DSCAML1: variants seen among roughly 807,000 people sequenced by gnomAD.
The protein encoded by DSCAML1 is cell adhesion molecule DSCAML1.
In DSCAML1, 38 loss-of-function variants were observed where a neutral mutation model predicts 200.5. That is an observed-to-expected ratio of 0.19 (90% confidence interval 0.15 to 0.25). The LOEUF (loss-of-function observed/expected upper bound fraction) is 0.25, where lower values mean the gene tolerates loss of function less well. Ranked by LOEUF, DSCAML1 falls within the 10% of genes least tolerant of loss-of-function variation. The pLI is 1.00. For missense variants in DSCAML1, 2,223 were observed against 2,858.8 expected (o/e 0.78, Z 5.07); for synonymous variants, 1,215 against 1,165.0 (o/e 1.04, Z -0.87).
chr11:117,621,331 G>A (rs1364101936), intron 3 of DSCAML1, among the ~76,000 whole-genome samples: 1 of 152,200 alleles, frequency 6.6e-6, no homozygotes, highest in Non-Finnish European at 1.5e-5. Flanking sequence ...TATGACAGGT[G>A]GATGCTTAAT....
intron 11 of DSCAML1, among the ~76,000 whole-genome samples, chr11:117,493,801 T>C (rs1486532048): frequency 6.6e-6 from 1 of 152,142 alleles, no homozygotes; most frequent in African/African-American, 2.4e-5. Flanking sequence ...TTAATTTTTG[T>C]ATTTTTTGTA....
chr11:117,732,471 G>T (rs1328986008), intron 3 of DSCAML1, among the ~76,000 whole-genome samples: 1 of 152,154 alleles, frequency 6.6e-6, no homozygotes, highest in Non-Finnish European at 1.5e-5. Context: ...TGGGGGCCTG[G>T]CTGCCTCTAT....
intron 11 of DSCAML1, among the ~76,000 whole-genome samples, chr11:117,501,928 C>T (rs1421458105): frequency 6.6e-6 from 1 of 152,140 alleles, no homozygotes; most frequent in Non-Finnish European, 1.5e-5. Flanking sequence ...CCAGCAGTGA[C>T]TGGCATAGTG....
At chr11:117,568,869 C>T (rs1372813801) in intron 3 of DSCAML1, among the ~76,000 whole-genome samples, 1 of 152,216 alleles carries the variant, frequency 6.6e-6, no homozygotes, top group African/African-American at 2.4e-5. Context: ...GAAAAAACTA[C>T]TTTAAAGTTC....
chr11:117,667,249 T>C (rs1371438522), intron 3 of DSCAML1, among the ~76,000 whole-genome samples: 2 of 152,078 alleles, frequency 1.3e-5, no homozygotes, highest in Non-Finnish European at 2.9e-5. Flanking sequence ...CTGTCTCTAC[T>C]AAAAATACAA....
At chr11:117,749,059 T>C (rs965391990) in intron 3 of DSCAML1, among the ~76,000 whole-genome samples, 2 of 152,206 alleles carry the variant, frequency 1.3e-5, no homozygotes, top group African/African-American at 4.8e-5. Flanking sequence ...TTCTGAGGTC[T>C]TCCTTGACTT....
chr11:117,695,315 C>CTTTTTTTTTTTTTTTTT (rs753748981), intron 3 of DSCAML1, among the ~76,000 whole-genome samples: 33 of 116,720 alleles, frequency 2.8e-4, no homozygotes, highest in Non-Finnish European at 3.2e-4. Context: ...CTTTCTTTTT[C>CTTTTTTTTTTTTTTTTT]TTTTTTTTTT....
intron 3 of DSCAML1, among the ~76,000 whole-genome samples, chr11:117,667,262 A>T (rs1425667381): frequency 9.2e-5 from 14 of 152,092 alleles, no homozygotes; most frequent in Admixed American, 9.2e-4. Flanking sequence ...AAATACAAAA[A>T]TCAGCTGGGC....
At chr11:117,671,998 G>T (rs984858926) in intron 3 of DSCAML1, among the ~76,000 whole-genome samples, 1 of 151,792 alleles carries the variant, frequency 6.6e-6, no homozygotes, top group Non-Finnish European at 1.5e-5. Context: ...CTACTCGGGA[G>T]GGTGAGGCAG....
At chr11:117,652,541 C>T (rs1368124486) in intron 3 of DSCAML1, among the ~76,000 whole-genome samples, 1 of 152,214 alleles carries the variant, frequency 6.6e-6, no homozygotes, top group Non-Finnish European at 1.5e-5. Flanking sequence ...GTGACATACT[C>T]ACACCTGAGG....
In DSCAML1 at chr11:117,516,324, C is replaced by G; in HGVS notation, c.1783+143G>C. On this transcript the variant is annotated intron_variant, in intron 8 of 32. Transcript: ENST00000651296. The surrounding 1 kb of genome is among the most constrained non-coding windows in gnomAD (Gnocchi z 5.7). Reference sequence around the variant, plus strand: ...AGTCTTCTGCCCTGCTCCCTTTTTTCTGAATGCCAAGCTGGGGCCTCTCTT... The same window carrying G: ...AGTCTTCTGCCCTGCTCCCTTTTTTGTGAATGCCAAGCTGGGGCCTCTCTT... 2 of 1,090,946 alleles carry G rather than the reference C, an allele frequency of 1.8e-6. No individual in the cohort carries two copies. The highest frequency in any genetic ancestry group is 2.6e-6 in the Non-Finnish European group (2 of 779,560). The allele number at this position is 1,090,946 out of a possible 1,614,324, so 67.6% of individuals were successfully genotyped here.
upstream of DSCAML1, among the ~76,000 whole-genome samples, chr11:117,800,619 C>T (rs2055648512): frequency 6.6e-6 from 1 of 152,182 alleles, no homozygotes; most frequent in African/African-American, 2.4e-5. Context: ...ACACACTACC[C>T]ATTTAAAAGC....
intron 3 of DSCAML1, among the ~76,000 whole-genome samples, chr11:117,548,812 G>A: frequency 6.6e-6 from 1 of 152,198 alleles, no homozygotes; most frequent in East Asian, 1.9e-4. Flanking sequence ...CCGCAGTCTT[G>A]AAATCTACAA....
chr11:117,790,095 G>A (rs565440203), intron 1 of DSCAML1, among the ~76,000 whole-genome samples: 1 of 152,212 alleles, frequency 6.6e-6, no homozygotes, highest in Non-Finnish European at 1.5e-5. Flanking sequence ...CTGCGGGAGG[G>A]TCACCCTAGT....
At chr11:117,713,982 C>T (rs922307697) in intron 3 of DSCAML1, among the ~76,000 whole-genome samples, 12 of 152,312 alleles carry the variant, frequency 7.9e-5, no homozygotes, top group African/African-American at 2.6e-4. Context: ...GCAGAAACCC[C>T]GGGGCCTGAC....
At chr11:117,714,964 T>C (rs569212557) in intron 3 of DSCAML1, among the ~76,000 whole-genome samples, 2 of 151,924 alleles carry the variant, frequency 1.3e-5, no homozygotes, top group South Asian at 2.1e-4. Context: ...ACTTGGTGCC[T>C]ACTCTGCCAT....
chr11:117,462,815 C>T (rs1271047810), intron 17 of DSCAML1, among the ~76,000 whole-genome samples: 31 of 152,216 alleles, frequency 2.0e-4, no homozygotes. Context: ...CGATCAGGAT[C>T]TGACAGGCTA....
chr11:117,579,967 T>C (rs1308575098), intron 3 of DSCAML1, among the ~76,000 whole-genome samples: 2 of 152,136 alleles, frequency 1.3e-5, no homozygotes, highest in Non-Finnish European at 2.9e-5. Flanking sequence ...TTTATAGCTA[T>C]TTAGCAGTCT....
intron 3 of DSCAML1, among the ~76,000 whole-genome samples, chr11:117,674,320 CT>C (rs1355068647): frequency 6.6e-6 from 1 of 152,088 alleles, no homozygotes; most frequent in African/African-American, 2.4e-5. Context: ...TAGGTGGACA[CT>C]GGGGTGGAGT....
Sources: allele counts gnomAD v4.1 joint callset (sites outside exome capture counted in the v4.1 genomes callset), GRCh38; gene constraint gnomAD v4.1.1; non-coding constraint Gnocchi (gnomAD v3.1); transcripts MANE v1.5; gene names NCBI Gene and HGNC (gene_info 2026-07-23, HGNC 2026-07-21).